TMEM161B: variants seen among roughly 807,000 people sequenced by gnomAD.
The protein encoded by TMEM161B is transmembrane protein 161B.
TMEM161B carries 34 observed loss-of-function variants against 61.8 expected under a neutral mutation model. The observed-to-expected ratio is 0.55, with a 90% CI of 0.42 to 0.73. The LOEUF is 0.73. Among genes scored for constraint, TMEM161B ranks in the 30% least tolerant of loss-of-function variants. The pLI is 0.00. For synonymous variants in TMEM161B, 167 were observed against 192.8 expected (o/e 0.87, Z 1.11); for missense variants, 456 against 558.5 (o/e 0.82, Z 1.85).
chr5:88,246,104 T>C (rs1753580122), intron 1 of TMEM161B, among the ~76,000 whole-genome samples: 1 of 151,866 alleles, frequency 6.6e-6, no homozygotes, highest in Non-Finnish European at 1.5e-5. Context: ...TACAAAAATG[T>C]AACCTCACTC....
intron 1 of TMEM161B, among the ~76,000 whole-genome samples, chr5:88,264,904 G>A (rs572960553): frequency 7.3e-4 from 111 of 151,834 alleles, no homozygotes; most frequent in Non-Finnish European, 1.4e-3. Flanking sequence ...GGACACAGAG[G>A]GGGTAACATC....
chr5:88,222,123 C>T (rs1484175905), intron 4 of TMEM161B, among the ~76,000 whole-genome samples: 2 of 152,178 alleles, frequency 1.3e-5, no homozygotes, highest in Non-Finnish European at 2.9e-5. Context: ...TCTGAGAGTG[C>T]AGTGGTGTGA....
At chr5:88,205,629 T>C (rs1404488213) in intron 8 of TMEM161B, 185 bp downstream of exon 8, 1 of 574,382 alleles carries the variant, frequency 1.7e-6, no homozygotes, top group Non-Finnish European at 2.8e-6. Context: ...TCTTTTTAAA[T>C]ACAAGACTTA....
intron 1 of TMEM161B, among the ~76,000 whole-genome samples, chr5:88,254,157 C>T (rs4916893): frequency 0.026 from 3,955 of 152,026 alleles, 304 homozygotes; most frequent in East Asian, 0.16. Context: ...TTATCTATTA[C>T]AAGATCTCAT....
At chr5:88,241,704 CCT>C (rs1267192394) in intron 1 of TMEM161B, among the ~76,000 whole-genome samples, 1 of 151,752 alleles carries the variant, frequency 6.6e-6, no homozygotes, top group Non-Finnish European at 1.5e-5. Flanking sequence ...GTCCAACAAT[CCT>C]CTTAGTTTAC....
intron 1 of TMEM161B, chr5:88,251,021 G>A: frequency 6.6e-6 from 1 of 152,020 alleles, no homozygotes; most frequent in Admixed American, 6.6e-5. Flanking sequence ...ACTGATTTGA[G>A]TGAGAAGCGA....
intron 1 of TMEM161B, among the ~76,000 whole-genome samples, chr5:88,253,780 A>G (rs1204902486): frequency 6.6e-6 from 1 of 152,190 alleles, no homozygotes; most frequent in African/African-American, 2.4e-5. Context: ...AATACCATAA[A>G]AGCTTGAAGC....
At chr5:88,256,131 A>G (rs966994759) in intron 1 of TMEM161B, among the ~76,000 whole-genome samples, 1 of 152,206 alleles carries the variant, frequency 6.6e-6, no homozygotes, top group Non-Finnish European at 1.5e-5. Context: ...AACACAAGTC[A>G]CAAACCATTT....
intron 8 of TMEM161B, among the ~76,000 whole-genome samples, chr5:88,203,750 CATATAT>C (rs35091076): frequency 3.2e-5 from 3 of 93,800 alleles, no homozygotes; most frequent in Non-Finnish European, 5.9e-5. Flanking sequence ...ATTTCCCTAT[CATATAT>C]ATATATATAT....
chr5:88,203,900 G>T (rs1264326156), intron 8 of TMEM161B, among the ~76,000 whole-genome samples: 1 of 149,498 alleles, frequency 6.7e-6, no homozygotes, highest in African/African-American at 2.5e-5. Flanking sequence ...AATTGTCCAA[G>T]TTTGTATCCT....
chr5:88,206,464 G>T lies in TMEM161B; in HGVS notation c.634C>A (p.Leu212Ile). 1 of 1,592,802 alleles carries T rather than the reference G, an allele frequency of 6.3e-7. No individual in the cohort carries two copies. ...TGAGATTCTAAACCTTGCTTTTCAA[G>T]AAACTGCATCGCACTGTCTGAAAAA... Reference protein sequence around the residue: ...TNFSDSAMQFLEKQGLESQSP... With the variant: ...TNFSDSAMQFIEKQGLESQSP... The change falls in exon 7 of 12, where the codon CTT becomes ATT. Residue 212 changes from leucine to isoleucine, a missense_variant. This residue lies in a region of TMEM161B where 367 missense variants were observed against 427.3 expected (regional missense o/e 0.86). Coordinates refer to ENST00000296595, the MANE Select transcript of TMEM161B (RefSeq NM_153354.5).
chr5:88,253,919 A>G (rs1422385748), intron 1 of TMEM161B, among the ~76,000 whole-genome samples: 1 of 152,034 alleles, frequency 6.6e-6, no homozygotes, highest in African/African-American at 2.4e-5. Context: ...TTATGTAAAG[A>G]TAAAATGGAA....
chr5:88,221,399 C>A (rs1580485371), intron 4 of TMEM161B: 1 of 187,378 alleles, frequency 5.3e-6, no homozygotes, highest in African/African-American at 2.4e-5. Flanking sequence ...CTTGGGAGGC[C>A]GAGGCAGGAG....
intron 5 of TMEM161B, among the ~76,000 whole-genome samples, chr5:88,211,481 C>T (rs569228569): frequency 7.2e-5 from 11 of 151,852 alleles, no homozygotes; most frequent in African/African-American, 2.2e-4. Context: ...AAGACAAGAC[C>T]GGGCGTGGTG....
At chr5:88,259,597 T>G (rs376522907) in intron 1 of TMEM161B, among the ~76,000 whole-genome samples, 8 of 152,300 alleles carry the variant, frequency 5.3e-5, no homozygotes, top group African/African-American at 1.9e-4. Context: ...AAGGCTTTGG[T>G]GTAAAGCAGT....
chr5:88,254,696 G>A (rs1219000191), intron 1 of TMEM161B, among the ~76,000 whole-genome samples: 1 of 151,986 alleles, frequency 6.6e-6, no homozygotes, highest in Non-Finnish European at 1.5e-5. Flanking sequence ...AAAAAAATTA[G>A]CTGAGTATGG....
chr5:88,233,068 C>T (rs1391540997), intron 2 of TMEM161B, among the ~76,000 whole-genome samples: 1 of 152,142 alleles, frequency 6.6e-6, no homozygotes, highest in Non-Finnish European at 1.5e-5. Context: ...GTCTGTTATT[C>T]ACCTACCCAT....
downstream of TMEM161B, among the ~76,000 whole-genome samples, chr5:88,187,404 C>T (rs555649331): frequency 3.5e-5 from 5 of 144,408 alleles, no homozygotes; most frequent in Non-Finnish European, 7.4e-5. Flanking sequence ...ATTTATATAA[C>T]ATTTGTGTTA....
At chr5:88,186,253 T>A (rs1285301999), downstream of TMEM161B, among the ~76,000 whole-genome samples, 1 of 152,216 alleles carries the variant, frequency 6.6e-6, no homozygotes, top group Non-Finnish European at 1.5e-5. Flanking sequence ...AATTGTAAAG[T>A]CCAACGATGC....
Sources: gnomAD v4.1 joint callset for allele counts (sites outside exome capture counted in the v4.1 genomes callset) on GRCh38, gnomAD v4.1.1 for gene constraint, gnomAD v4.1.1 regional missense constraint, MANE v1.5 for transcripts, NCBI Gene and HGNC (gene_info 2026-07-23, HGNC 2026-07-21) for gene names.